Variants in PROSER1 observed in about 807,000 individuals in gnomAD.
PROSER1 encodes the protein proline and serine-rich protein 1.
In PROSER1, 36 loss-of-function variants were observed where a neutral mutation model predicts 71.8. The observed-to-expected ratio is 0.50, with a 90% CI of 0.38 to 0.66. PROSER1 has a LOEUF of 0.66. PROSER1 is among the 30% of genes least tolerant of loss of function. The probability of loss-of-function intolerance (pLI) is 0.00; values close to 1 mark genes in which losing one functional copy is unlikely to be tolerated. For missense variants in PROSER1, 1,107 were observed against 1,135.0 expected, an observed-to-expected ratio of 0.98 and a Z score of 0.35; for synonymous variants, 490 against 452.4, an observed-to-expected ratio of 1.08 and a Z score of -1.06.
rs1357375420 is a variant in PROSER1, at chr13:39,014,092, C to T, written c.1160G>A (p.Arg387Gln). Residue 387 changes from arginine to glutamine, a missense_variant, in exon 11 of 13, where the codon CGG becomes CAG. Coordinates refer to ENST00000352251, the MANE Select transcript of PROSER1 (RefSeq NM_025138.5). ...TGCTTCACTGGAACCAAGAGTGGACCGTGGTGTAGGTCCTGGGGTAGGAGT... is the reference window on the plus strand; with the variant it reads ...TGCTTCACTGGAACCAAGAGTGGACTGTGGTGTAGGTCCTGGGGTAGGAGT... ...AATPTPGPTP[R>Q]STLGSSEAFA... The T allele has an allele frequency of 2.4e-5, 38 of 1,613,962 alleles. No individual in the cohort carries two copies. Among genetic ancestry groups the T allele is most frequent in the Non-Finnish European group, 3.1e-5 (37 of 1,180,036 alleles).
intron 6 of PROSER1, among the ~76,000 whole-genome samples, chr13:39,024,974 G>A (rs1213783978): frequency 2.0e-5 from 3 of 151,964 alleles, no homozygotes; most frequent in Non-Finnish European, 4.4e-5. Flanking sequence ...TTATAATACC[G>A]AATACAATGT....
intron 9 of PROSER1, among the ~76,000 whole-genome samples, chr13:39,020,083 A>G (rs903323848): frequency 1.3e-5 from 2 of 151,626 alleles, no homozygotes; most frequent in Non-Finnish European, 2.9e-5. Flanking sequence ...AGACTTAAAA[A>G]AAAAAAAAAA....
At chr13:39,021,329 A>G (rs1870280077) in intron 9 of PROSER1, among the ~76,000 whole-genome samples, 1 of 152,224 alleles carries the variant, frequency 6.6e-6, no homozygotes, top group Non-Finnish European at 1.5e-5. Context: ...TGAGTCAGAA[A>G]GGTGCCTACC....
At chr13:39,036,697 T>C (rs1205546048) in intron 1 of PROSER1, among the ~76,000 whole-genome samples, 1 of 152,130 alleles carries the variant, frequency 6.6e-6, no homozygotes. Context: ...CCTAAGAACG[T>C]GACTTTAAAC....
intron 10 of PROSER1, among the ~76,000 whole-genome samples, chr13:39,015,097 A>G (rs778926879): frequency 6.6e-6 from 1 of 152,148 alleles, no homozygotes; most frequent in African/African-American, 2.4e-5. Flanking sequence ...AGCTGTGTCT[A>G]ATTCATCTTT....
At chr13:39,036,071 G>C (rs1222722378) in intron 1 of PROSER1, among the ~76,000 whole-genome samples, 1 of 151,990 alleles carries the variant, frequency 6.6e-6, no homozygotes, top group Admixed American at 6.6e-5. Flanking sequence ...AAAATCTGCT[G>C]GTCTACTTGG....
At chr13:39,024,992 G>A (rs372900874) in intron 6 of PROSER1, among the ~76,000 whole-genome samples, 30 of 152,180 alleles carry the variant, frequency 2.0e-4, no homozygotes, top group South Asian at 8.3e-4. Flanking sequence ...TGTGGATGCC[G>A]TGTAAATAGT....
At chr13:39,012,556 A>G in intron 11 of PROSER1, 135 bp downstream of exon 11, 1 of 732,594 alleles carries the variant, frequency 1.4e-6, no homozygotes, top group Non-Finnish European at 2.2e-6. Flanking sequence ...TTCATAAAAC[A>G]TTTCAGAGTG....
Position 39,012,206 on chromosome 13 carries a change from G to C in PROSER1, c.2589C>G (p.Gly863=), listed in dbSNP as rs9576697. The C allele has an allele frequency of 0.16, 250,899 of 1,613,284 alleles. 20,900 individuals carry two copies. The highest frequency in any genetic ancestry group is 0.25 in the South Asian group (22,944 of 91,044). Residue 863 remains glycine, a synonymous_variant, in exon 12 of 13, where the codon GGC becomes GGG. Transcript: ENST00000352251. ...ACAAAAGGCCTGGAAAAACAGAACT[G>C]CCTGCAGCTTGAAGTCCAGATGATA... ...AGLSSGLQAA[G]SSVFPGLLSL...
At chr13:39,018,245 C>A (rs1019383313) in intron 9 of PROSER1, among the ~76,000 whole-genome samples, 7 of 152,050 alleles carry the variant, frequency 4.6e-5, no homozygotes, top group Non-Finnish European at 1.0e-4. Flanking sequence ...AGCCCATCAG[C>A]CAAGGATACA....
At chr13:39,030,982 C>T (rs1870812257) in intron 3 of PROSER1, among the ~76,000 whole-genome samples, 1 of 152,158 alleles carries the variant, frequency 6.6e-6, no homozygotes, top group African/African-American at 2.4e-5. Context: ...TGAAGATATC[C>T]AGGCCTGATA....
At chr13:39,030,600 T>C (rs548034340) in intron 3 of PROSER1, among the ~76,000 whole-genome samples, 1 of 152,226 alleles carries the variant, frequency 6.6e-6, no homozygotes, top group East Asian at 1.9e-4. Flanking sequence ...TTAAATTTTT[T>C]ATATTTTTCT....
rs768241616 is a variant in PROSER1, at chr13:39,023,149, T to C, written c.565-19A>G. 47 of 1,584,742 alleles carry C rather than the reference T, an allele frequency of 3.0e-5. No individual in the cohort carries two copies. The highest frequency in any genetic ancestry group is 3.7e-5 in the Non-Finnish European group (43 of 1,154,244). On this transcript the variant is annotated intron_variant, in intron 7 of 12. Transcript: ENST00000352251. ...AAGGAGGCTAAAACATGGGGGAAAA[T>C]ACAGCAGTTAGAAGAAAATCAAGTA...
intron 12 of PROSER1, among the ~76,000 whole-genome samples, chr13:39,011,689 T>C (rs1289047058): frequency 1.3e-5 from 2 of 152,252 alleles, no homozygotes; most frequent in African/African-American, 4.8e-5. Context: ...TGCATAGAAC[T>C]GTCATTAAAA....
chr13:39,031,279 TA>T (rs1320178520), intron 3 of PROSER1, among the ~76,000 whole-genome samples: 2 of 152,228 alleles, frequency 1.3e-5, no homozygotes, highest in South Asian at 2.1e-4. Flanking sequence ...CGATGGATAT[TA>T]AAAAACAGAA....
Position 39,014,114 on chromosome 13 carries a change from G to GT in PROSER1, c.1137_1138insA (p.Pro380ThrfsTer15). Reference sequence around the variant, plus strand: ...GACCGTGGTGTAGGTCCTGGGGTAGGAGTGGCTGCGGTAGGAGTGGCAGAA... The same window carrying GT: ...GACCGTGGTGTAGGTCCTGGGGTAGGTAGTGGCTGCGGTAGGAGTGGCAGAA... On this transcript the variant is annotated frameshift_variant, in exon 11 of 13. Transcript: ENST00000352251. LOFTEE classifies it high-confidence loss of function. The GT allele has an allele frequency of 6.2e-7, 1 of 1,614,028 alleles. No homozygotes were observed. The highest frequency in any genetic ancestry group is 1.1e-5 in the South Asian group (1 of 91,048).
chr13:39,037,282 GC>G lies in PROSER1; in HGVS notation c.-41del, dbSNP rs1326077830. 1 of 1,458,334 alleles carries G rather than the reference GC, an allele frequency of 6.9e-7. No individual in the cohort carries two copies. The highest frequency in any genetic ancestry group is 9.6e-7 in the Non-Finnish European group (1 of 1,038,262). 90.3% of individuals were successfully genotyped at this position (1,458,334 alleles called of 1,614,324 possible). ...CGACGTGGTTTTAACAGTTATACTT[GC>G]AATTAAAAGACGTTCATCCCTGGTC... On this transcript the variant is annotated 5_prime_UTR_variant, in exon 1 of 13. Coordinates refer to ENST00000352251, the MANE Select transcript of PROSER1 (RefSeq NM_025138.5).
At chr13:39,021,446 C>T (rs1358257621) in intron 9 of PROSER1, among the ~76,000 whole-genome samples, 1 of 152,102 alleles carries the variant, frequency 6.6e-6, no homozygotes, top group Non-Finnish European at 1.5e-5. Context: ...ATACTTTGAT[C>T]TCTCTTGGGT....
chr13:39,032,784 C>T (rs984838077), intron 2 of PROSER1, among the ~76,000 whole-genome samples: 11 of 152,062 alleles, frequency 7.2e-5, no homozygotes, highest in Admixed American at 2.0e-4. Flanking sequence ...ATACAATAAG[C>T]TCATTTAGAA....
Sources: allele counts gnomAD v4.1 joint callset (sites outside exome capture counted in the v4.1 genomes callset), GRCh38; gene constraint gnomAD v4.1.1; transcripts MANE v1.5; gene names NCBI Gene and HGNC (gene_info 2026-07-23, HGNC 2026-07-21).